VPS13B: variants seen among roughly 807,000 people sequenced by gnomAD.
The protein encoded by VPS13B is vacuolar protein sorting 13 homolog B.
In VPS13B, 285 loss-of-function variants were observed where a neutral mutation model predicts 426.4. The ratio of observed to expected loss-of-function variants is 0.67; its 90% CI spans 0.61 to 0.74. The LOEUF (loss-of-function observed/expected upper bound fraction) is 0.74. Ranked by LOEUF, VPS13B falls within the 30% of genes least tolerant of loss-of-function variation. The probability of loss-of-function intolerance (pLI) is 0.00; values close to 1 mark genes in which losing one functional copy is unlikely to be tolerated. For synonymous variants in VPS13B, 1,676 were observed against 1,676.4 expected (o/e 1.00, Z 0.01); for missense variants, 4,537 against 4,782.6 (o/e 0.95, Z 1.51).
intron 12 of VPS13B, among the ~76,000 whole-genome samples, chr8:99,140,705 T>TCC (rs1810370911): frequency 7.2e-6 from 1 of 139,110 alleles, no homozygotes; most frequent in Non-Finnish European, 1.5e-5. Context: ...CTCCTCCTCC[T>TCC]TCTCCTTCTT....
intron 30 of VPS13B, among the ~76,000 whole-genome samples, chr8:99,539,826 A>G (rs1286710500): frequency 6.6e-6 from 1 of 151,182 alleles, no homozygotes; most frequent in Non-Finnish European, 1.5e-5. Flanking sequence ...ATGCTAACTT[A>G]TTGGAAGTAT....
chr8:99,029,372 G>A (rs1401147564), intron 2 of VPS13B, among the ~76,000 whole-genome samples: 3 of 152,104 alleles, frequency 2.0e-5, no homozygotes, highest in South Asian at 2.1e-4. Context: ...TCCCAGACGG[G>A]GTGGCGGCCG....
chr8:99,548,157 A>G (rs748333868), intron 30 of VPS13B, among the ~76,000 whole-genome samples: 7 of 152,104 alleles, frequency 4.6e-5, no homozygotes, highest in African/African-American at 9.7e-5. Flanking sequence ...GTATCATTCT[A>G]TTAGAATTCT....
intron 19 of VPS13B, among the ~76,000 whole-genome samples, chr8:99,295,615 AAC>A (rs1258082282): frequency 2.0e-5 from 3 of 152,200 alleles, no homozygotes; most frequent in Non-Finnish European, 4.4e-5. Flanking sequence ...ATCATCTAGC[AAC>A]ACAGTGCACT....
intron 30 of VPS13B, among the ~76,000 whole-genome samples, chr8:99,544,805 A>T (rs1173995972): frequency 3.3e-5 from 5 of 152,202 alleles, no homozygotes; most frequent in Non-Finnish European, 7.3e-5. Context: ...GCCCTGCCTA[A>T]TAATAGGCCA....
In VPS13B at chr8:99,699,130, T is replaced by G. The variant is rs550173053; in HGVS notation, c.6047-395T>G. On this transcript the variant is annotated intron_variant, in intron 35 of 61. Coordinates refer to ENST00000357162, the MANE Select transcript of VPS13B (RefSeq NM_152564.5). ...ACATGGTTCTGGGTAGTAAGGAAAG[T>G]CTTTTTTTTTTTTTTTTTTTTTTTT... Among the ~76,000 whole-genome samples the G allele has an allele frequency of 1.8e-4, 24 of 135,880 alleles. No homozygotes were observed. In the East Asian group the frequency reaches 5.4e-3, roughly 31 times the overall value. The allele number at this position is 135,880 out of a possible 152,430, so 89.1% of individuals were successfully genotyped here.
At chr8:99,089,870 G>A (rs1846047669) in intron 3 of VPS13B, among the ~76,000 whole-genome samples, 1 of 152,100 alleles carries the variant, frequency 6.6e-6, no homozygotes. Context: ...ATATGTATAA[G>A]GGTTATACTT....
rs181275476 is a variant in VPS13B at position 99,731,201 on chromosome 8, A to G, written c.7050+10154A>G. Among the ~76,000 whole-genome samples, 223 of 152,326 alleles carry G rather than the reference A, an allele frequency of 1.5e-3. 1 individual carries two copies. The highest frequency in any genetic ancestry group is 2.1e-3 in the Non-Finnish European group (143 of 68,028). On this transcript the variant is annotated intron_variant, in intron 39 of 61. Coordinates refer to ENST00000357162, the MANE Select transcript of VPS13B (RefSeq NM_152564.5). ...TGGCTTCTTAATCTCCATTCATTCC[A>G]TGGTGGGAAAAGAGAAGGAAACTCA...
chr8:99,326,635 G>A (rs1810294358), intron 19 of VPS13B, among the ~76,000 whole-genome samples: 2 of 151,456 alleles, frequency 1.3e-5, no homozygotes, highest in East Asian at 1.9e-4. Context: ...GAGAGCTCAA[G>A]CGATCTGCCC....
At chr8:99,156,132 G>A (rs1811346928) in intron 14 of VPS13B, among the ~76,000 whole-genome samples, 1 of 152,116 alleles carries the variant, frequency 6.6e-6, no homozygotes, top group South Asian at 2.1e-4. Context: ...ATTGTGTGGT[G>A]TAGTCCATTT....
chr8:99,365,862 G>T (rs187127934), intron 19 of VPS13B, among the ~76,000 whole-genome samples: 1 of 151,722 alleles, frequency 6.6e-6, no homozygotes, highest in Admixed American at 6.6e-5. Flanking sequence ...GTCATTCAGG[G>T]ACATATTGTT....
intron 3 of VPS13B, among the ~76,000 whole-genome samples, chr8:99,055,567 G>A (rs1363664894): frequency 6.6e-6 from 1 of 152,104 alleles, no homozygotes; most frequent in East Asian, 1.9e-4. Flanking sequence ...TGTGTCAGCA[G>A]TGTATTATAA....
chr8:99,766,352 G>A (rs1041265068), intron 39 of VPS13B, among the ~76,000 whole-genome samples: 6 of 152,048 alleles, frequency 3.9e-5, no homozygotes, highest in Admixed American at 2.6e-4. Context: ...CCAAAGTGCC[G>A]GGATTACAGG....
chr8:99,864,962 G>A (rs1450290990), intron 58 of VPS13B, among the ~76,000 whole-genome samples: 1 of 152,190 alleles, frequency 6.6e-6, no homozygotes, highest in Non-Finnish European at 1.5e-5. Context: ...GGTTCGGCGG[G>A]CCTTCTTGAC....
At chr8:99,515,579 T>G (rs1822023919) in intron 29 of VPS13B, among the ~76,000 whole-genome samples, 1 of 152,194 alleles carries the variant, frequency 6.6e-6, no homozygotes, top group Non-Finnish European at 1.5e-5. Context: ...TAGTTGTCTT[T>G]GGAAAACATA....
intron 19 of VPS13B, among the ~76,000 whole-genome samples, chr8:99,332,598 T>A (rs1810603612): frequency 6.6e-6 from 1 of 151,604 alleles, no homozygotes; most frequent in South Asian, 2.1e-4. Flanking sequence ...TTACTCTGCA[T>A]CCTCAGTTCA....
intron 39 of VPS13B, among the ~76,000 whole-genome samples, chr8:99,756,740 T>C (rs1357796239): frequency 6.6e-6 from 1 of 152,232 alleles, no homozygotes; most frequent in East Asian, 1.9e-4. Flanking sequence ...ATGAAGTAAC[T>C]ATAAATGACT....
chr8:99,575,844 G>T, intron 32 of VPS13B, 60 bp downstream of exon 32: 1 of 1,551,986 alleles, frequency 6.4e-7, no homozygotes, highest in Non-Finnish European at 8.8e-7. Flanking sequence ...CTCTTTGTAT[G>T]TTAGGGATTG....
At chr8:99,831,097 G>C (rs557295115) in intron 51 of VPS13B, among the ~76,000 whole-genome samples, 1 of 63,490 alleles carries the variant, frequency 1.6e-5, no homozygotes, top group East Asian at 6.6e-4. Context: ...TTTTGAGATA[G>C]AGTCTCGCCC....
Sources: gnomAD v4.1 joint callset for allele counts (sites outside exome capture counted in the v4.1 genomes callset) on GRCh38, gnomAD v4.1.1 for gene constraint, MANE v1.5 for transcripts, NCBI Gene and HGNC (gene_info 2026-07-23, HGNC 2026-07-21) for gene names.